The following KCNQ1 variants were observed in gnomAD, a reference collection of about 807,000 sequenced individuals.
The protein encoded by KCNQ1 is potassium voltage-gated channel subfamily Q member 1, also known as potassium voltage-gated channel subfamily KQT member 1.
In KCNQ1, 49 loss-of-function variants were observed where a neutral mutation model predicts 72.4. The observed-to-expected ratio is 0.68, with a 90% CI of 0.54 to 0.86. The LOEUF (loss-of-function observed/expected upper bound fraction) is 0.86. Among genes scored for constraint, KCNQ1 ranks in the 40% least tolerant of loss-of-function variants. The probability of loss-of-function intolerance (pLI) is 0.00; values close to 1 mark genes in which losing one functional copy is unlikely to be tolerated. For missense variants in KCNQ1, 790 were observed against 945.1 expected (o/e 0.84, Z 2.15); for synonymous variants, 450 against 412.6 (o/e 1.09, Z -1.10).
chr11:2,592,094 G>A lies in KCNQ1; in HGVS notation c.1393+3240G>A, dbSNP rs1848678454. On this transcript the variant is annotated intron_variant, in intron 10 of 15. Transcript: ENST00000155840. The surrounding 1 kb of genome is among the most constrained non-coding windows in gnomAD (Gnocchi z 5.2). ...GCTGTGCTTTCTGTTGTGTGAACCT[G>A]CAGGTTAGGCAGAAGTCCCCTTGAC... Among the ~76,000 whole-genome samples, 1 of 152,270 alleles carries A rather than the reference G, an allele frequency of 6.6e-6. No homozygotes were observed. Among genetic ancestry groups the A allele is most frequent in the Admixed American group, 6.5e-5 (1 of 15,294 alleles).
At chr11:2,780,068 C>T (rs1846794943) in intron 15 of KCNQ1, among the ~76,000 whole-genome samples, 1 of 152,198 alleles carries the variant, frequency 6.6e-6, no homozygotes, top group African/African-American at 2.4e-5. Context: ...CATTCGAGTC[C>T]TCTGCCTGGG....
At chr11:2,610,941 T>C (rs569926623) in intron 10 of KCNQ1, 56 of 398,362 alleles carry the variant, frequency 1.4e-4, no homozygotes, top group African/African-American at 1.1e-3. Context: ...TCTGAATAAT[T>C]GATAGAACAA....
intron 15 of KCNQ1, among the ~76,000 whole-genome samples, chr11:2,802,573 C>G (rs1183644233): frequency 1.3e-5 from 2 of 152,192 alleles, no homozygotes; most frequent in Non-Finnish European, 2.9e-5. Flanking sequence ...CCCTGCCTCT[C>G]AGGAGCCAGC....
At position 2,473,130 on chromosome 11, in the gene KCNQ1, C is replaced by T. The variant is rs1018726509; in HGVS notation, c.386+27646C>T. Among the ~76,000 whole-genome samples the T allele has an allele frequency of 2.6e-5, 4 of 152,146 alleles. No individual in the cohort carries two copies. Among genetic ancestry groups the T allele is most frequent in the African/African-American group, 9.7e-5 (4 of 41,436 alleles). On this transcript the variant is annotated intron_variant, in intron 1 of 15. Transcript: ENST00000155840. The surrounding 1 kb of genome is among the most constrained non-coding windows in gnomAD (Gnocchi z 6.0). ...CATCTCAAGTCCATGGGATTAACTC[C>T]CCTGTGCTGGAAGCTGCAGGAGCTG...
At chr11:2,640,879 C>T in intron 10 of KCNQ1, 1 of 399,664 alleles carries the variant, frequency 2.5e-6, no homozygotes, top group Non-Finnish European at 4.4e-6. Context: ...TCTCTACCTC[C>T]ATGAGATCAA....
At chr11:2,665,295 G>T in intron 11 of KCNQ1, 1 of 398,306 alleles carries the variant, frequency 2.5e-6, no homozygotes, top group South Asian at 1.3e-4. Flanking sequence ...AGAACCATAT[G>T]ACAGGGCTTC....
rs996598294 is a variant in KCNQ1, at chr11:2,608,952, T to C, written c.1393+20098T>C. On this transcript the variant is annotated intron_variant, in intron 10 of 15. Coordinates refer to ENST00000155840, the MANE Select transcript of KCNQ1 (RefSeq NM_000218.3). The surrounding 1 kb of genome is among the most constrained non-coding windows in gnomAD (Gnocchi z 4.6). ...TCTCCCTCTCCCTCTCTCTTACCAA[T>C]CTATCAAAGGTTTGTTAATTTCAAA... 7.5e-6 allele frequency: 3 copies of C among 398,406 alleles called. No homozygotes were observed. Among genetic ancestry groups the C allele is most frequent in the East Asian group, 7.1e-5 (2 of 28,084 alleles). The allele number at this position is 398,406 out of a possible 1,614,324, so 24.7% of individuals were successfully genotyped here.
At chr11:2,531,122 G>A (rs1039625211) in intron 2 of KCNQ1, among the ~76,000 whole-genome samples, 2 of 152,178 alleles carry the variant, frequency 1.3e-5, no homozygotes, top group Middle Eastern at 3.2e-3. Context: ...CTGGGAGGGC[G>A]AAGCCTGGAG....
chr11:2,753,953 G>A (rs1032671428), intron 11 of KCNQ1, among the ~76,000 whole-genome samples: 4 of 152,148 alleles, frequency 2.6e-5, no homozygotes, highest in African/African-American at 9.7e-5. Context: ...TATACAAAGA[G>A]GTCTTACAAC....
In KCNQ1 at chr11:2,567,835, T is replaced by C. The variant is rs181480332; in HGVS notation, c.478-2793T>C. 2.4e-3 allele frequency among the ~76,000 whole-genome samples: 362 copies of C among 152,332 alleles called. No homozygotes were observed. Among genetic ancestry groups the C allele is most frequent in the African/African-American group, 8.5e-3 (352 of 41,572 alleles). On this transcript the variant is annotated intron_variant, in intron 2 of 15. Transcript: ENST00000155840. This position sits in a 1 kb window ranked among gnomAD's most constrained non-coding sequence, Gnocchi z 6.6. ...AGGTTCCCTGAGTGTTAGGTCAAAA[T>C]AACTTTAAAAAGACACGCAGCTATC...
chr11:2,705,683 CAG>C (rs1231566236), intron 11 of KCNQ1, among the ~76,000 whole-genome samples: 1 of 152,206 alleles, frequency 6.6e-6, no homozygotes, highest in African/African-American at 2.4e-5. Context: ...AAAGTGGGCC[CAG>C]GCCTTTGAGG....
intron 10 of KCNQ1, among the ~76,000 whole-genome samples, chr11:2,596,359 C>A (rs1848733325): frequency 1.3e-5 from 2 of 152,152 alleles, no homozygotes; most frequent in Non-Finnish European, 2.9e-5. Flanking sequence ...GAAATAAGAT[C>A]ATATGCATGC....
chr11:2,719,116 G>C (rs1449552089), intron 11 of KCNQ1, among the ~76,000 whole-genome samples: 1 of 152,202 alleles, frequency 6.6e-6, no homozygotes, highest in Non-Finnish European at 1.5e-5. Context: ...ACCATCTCCA[G>C]CCGTGTGCTC....
rs1307555172 is a variant in KCNQ1, at chr11:2,450,642, C to T, written c.386+5158C>T. Among the ~76,000 whole-genome samples the T allele has an allele frequency of 6.6e-6, 1 of 152,076 alleles. No individual in the cohort carries two copies. The highest frequency in any genetic ancestry group is 2.4e-5 in the African/African-American group (1 of 41,404). Reference sequence around the variant, plus strand: ...CACGTCGGTGAGACCGTCCTGGCCTCCACACCCCTTCCTGGTGGGTAGCTG... The same window carrying T: ...CACGTCGGTGAGACCGTCCTGGCCTTCACACCCCTTCCTGGTGGGTAGCTG... On this transcript the variant is annotated intron_variant, in intron 1 of 15. Transcript: ENST00000155840. The surrounding 1 kb of genome is among the most constrained non-coding windows in gnomAD (Gnocchi z 7.9).
In KCNQ1 at chr11:2,588,278, C is replaced by A. The variant is rs987244641; in HGVS notation, c.1252-435C>A. Among the ~76,000 whole-genome samples the A allele has an allele frequency of 6.6e-6, 1 of 152,054 alleles. No individual in the cohort carries two copies. Among genetic ancestry groups the A allele is most frequent in the South Asian group, 2.1e-4 (1 of 4,820 alleles). On this transcript the variant is annotated intron_variant, in intron 9 of 15. Transcript: ENST00000155840. The surrounding 1 kb of genome is among the most constrained non-coding windows in gnomAD (Gnocchi z 5.6). ...TCCCAGTTTCCAGCTGCCGGTGGAG[C>A]CTCCGTGCCTACTGTTCCCTGTGCT...
intron 15 of KCNQ1, among the ~76,000 whole-genome samples, chr11:2,800,223 C>T (rs940117051): frequency 3.9e-5 from 6 of 152,236 alleles, no homozygotes; most frequent in African/African-American, 1.4e-4. Flanking sequence ...GGAATAAAGC[C>T]ACTTCCTGCT....
intron 15 of KCNQ1, among the ~76,000 whole-genome samples, chr11:2,839,326 ACTCC>A (rs1350277216): frequency 1.3e-5 from 2 of 152,020 alleles, no homozygotes; most frequent in Admixed American, 6.6e-5. Flanking sequence ...TCTGCCACTG[ACTCC>A]CTCCATGACC....
chr11:2,653,589 GCT>G lies in KCNQ1; in HGVS notation c.1394-8367_1394-8366del. ...CCCTCTTTTGTTCTCCCTTTCCCTT[GCT>G]CTCTATCCATTGGCCCCATGGGATG... On this transcript the variant is annotated intron_variant, in intron 10 of 15. Coordinates refer to ENST00000155840, the MANE Select transcript of KCNQ1 (RefSeq NM_000218.3). This position sits in a 1 kb window ranked among gnomAD's most constrained non-coding sequence, Gnocchi z 5.3. The G allele has an allele frequency of 2.5e-6, 1 of 398,516 alleles. No individual in the cohort carries two copies. Among genetic ancestry groups the G allele is most frequent in the Non-Finnish European group, 4.4e-6 (1 of 226,100 alleles). The allele number at this position is 398,516 out of a possible 1,614,324, so 24.7% of individuals were successfully genotyped here. A position where few individuals can be genotyped will look rare whatever the true frequency, so the allele number is the denominator to read the frequency against.
chr11:2,628,383 A>G (rs1849294458), intron 10 of KCNQ1: 2 of 398,366 alleles, frequency 5.0e-6, no homozygotes, highest in South Asian at 2.5e-4. Flanking sequence ...TTCCCTGATG[A>G]TAAGTGATGT....
Sources: allele counts gnomAD v4.1 joint callset (sites outside exome capture counted in the v4.1 genomes callset), GRCh38; gene constraint gnomAD v4.1.1; non-coding constraint Gnocchi (gnomAD v3.1); transcripts MANE v1.5; gene names NCBI Gene and HGNC (gene_info 2026-07-23, HGNC 2026-07-21).